The following PRKAR1A variants were observed in gnomAD, a reference collection of about 807,000 sequenced individuals.
The protein encoded by PRKAR1A is cAMP-dependent protein kinase type I-alpha regulatory subunit.
PRKAR1A carries 3 observed loss-of-function variants against 52.0 expected under a neutral mutation model. The observed-to-expected ratio is 0.06, with a 90% confidence interval of 0.03 to 0.15. The LOEUF is 0.15. PRKAR1A is among the 10% of genes least tolerant of loss of function. The probability of loss-of-function intolerance (pLI) is 1.00; values close to 1 mark genes in which losing one functional copy is unlikely to be tolerated. For synonymous variants in PRKAR1A, 188 were observed against 168.4 expected, an observed-to-expected ratio of 1.12 and a Z score of -0.90; for missense variants, 240 against 477.4, an observed-to-expected ratio of 0.50 and a Z score of 4.63.
downstream of PRKAR1A, chr17:68,537,880 A>G: frequency 1.0e-6 from 1 of 991,304 alleles, no homozygotes; most frequent in Non-Finnish European, 1.5e-6. This position sits in a 1 kb window ranked among gnomAD's most constrained non-coding sequence, Gnocchi z 4.2. Flanking sequence ...ATTTTAATGG[A>G]AACCAGGTAA....
downstream of PRKAR1A, chr17:68,537,420 C>T (rs772017261): frequency 9.9e-6 from 16 of 1,610,484 alleles, no homozygotes; most frequent in Admixed American, 2.7e-4. This position sits in a 1 kb window ranked among gnomAD's most constrained non-coding sequence, Gnocchi z 4.2. Context: ...AGGGTCGGCA[C>T]TCGAGTCGAC....
chr17:68,506,475 C>A, the PRKAR1A span, among the ~76,000 whole-genome samples: 3 of 150,166 alleles, frequency 2.0e-5, no homozygotes, highest in Non-Finnish European at 3.0e-5. Context: ...CCCCTTCAGA[C>A]TGTGAAATTT....
At chr17:68,457,553 TACCCCGCCCCGTCCCC>T in the PRKAR1A span, 1,590 of 135,326 alleles carry the variant, frequency 0.012, 44 homozygotes, top group Admixed American at 0.036. Flanking sequence ...ACCCCGCCCC[TACCCCGCCCCGTCCCC>T]ACCCCGCCCC....
At chr17:68,544,735 G>A (rs1050413246) in intron 11 of PRKAR1A, among the ~76,000 whole-genome samples, 1 of 152,158 alleles carries the variant, frequency 6.6e-6, no homozygotes, top group Admixed American at 6.5e-5. Flanking sequence ...GCTCAGGCCT[G>A]GCCAGCTTAT....
the PRKAR1A span, chr17:68,429,959 GTGTGGTCT>G: frequency 1.2e-6 from 2 of 1,611,834 alleles, no homozygotes; most frequent in Non-Finnish European, 8.5e-7. Flanking sequence ...ATTGACGAAA[GTGTGGTCT>G]TGTTCAGAGT....
chr17:68,420,803 C>A, the PRKAR1A span: 4 of 286,538 alleles, frequency 1.4e-5, no homozygotes, highest in Middle Eastern at 3.1e-3. Context: ...CATGAAAATG[C>A]CTGGCAAATT....
the PRKAR1A span, among the ~76,000 whole-genome samples, chr17:68,457,832 CA>C: frequency 9.8e-5 from 15 of 152,300 alleles, no homozygotes; most frequent in South Asian, 4.1e-4. Flanking sequence ...GCGCGTGACG[CA>C]AAGGCAGCAG....
chr17:68,433,503 C>T, the PRKAR1A span: 11 of 1,613,726 alleles, frequency 6.8e-6, no homozygotes, highest in African/African-American at 1.3e-5. Flanking sequence ...AGATGTGTAC[C>T]GTCTCGGTGT....
At chr17:68,507,213 A>G (rs2085209201), upstream of PRKAR1A, among the ~76,000 whole-genome samples, 1 of 152,250 alleles carries the variant, frequency 6.6e-6, no homozygotes. Context: ...TGACACAAAG[A>G]TCTGTGTGAC....
the PRKAR1A span, chr17:68,428,753 T>C: frequency 8.7e-7 from 1 of 1,156,038 alleles, no homozygotes; most frequent in South Asian, 1.3e-5. Context: ...GCACTGAAGC[T>C]TGTCGTTCTT....
the PRKAR1A span, among the ~76,000 whole-genome samples, chr17:68,452,264 GC>G: frequency 3.3e-5 from 5 of 152,158 alleles, no homozygotes; most frequent in Admixed American, 6.5e-5. Flanking sequence ...CAATATAATG[GC>G]AAAAATAAGT....
chr17:68,435,068 G>C, the PRKAR1A span, among the ~76,000 whole-genome samples: 1 of 152,110 alleles, frequency 6.6e-6, no homozygotes, highest in South Asian at 2.1e-4. Context: ...TTAGCCAGGC[G>C]TGGCAGCATG....
the PRKAR1A span, among the ~76,000 whole-genome samples, chr17:68,476,008 T>C: frequency 6.6e-6 from 1 of 152,156 alleles, no homozygotes; most frequent in Non-Finnish European, 1.5e-5. Flanking sequence ...TGATGCCTTC[T>C]GTGTAGTTTA....
chr17:68,433,947 T>C, the PRKAR1A span, among the ~76,000 whole-genome samples: 1 of 151,908 alleles, frequency 6.6e-6, no homozygotes, highest in African/African-American at 2.4e-5. Context: ...CACACCCAGC[T>C]AATTTTTGTA....
upstream of PRKAR1A, among the ~76,000 whole-genome samples, chr17:68,510,192 A>AGAGAGAGAGAGAGAGAGAGT (rs2085246142): frequency 6.6e-6 from 1 of 151,512 alleles, no homozygotes; most frequent in Non-Finnish European, 1.5e-5. Context: ...AGAGAGAGAG[A>AGAGAGAGAGAGAGAGAGAGT]GAGATCTATC....
At chr17:68,489,845 C>T in the PRKAR1A span, among the ~76,000 whole-genome samples, 2 of 152,076 alleles carry the variant, frequency 1.3e-5, no homozygotes, top group Non-Finnish European at 2.9e-5. Context: ...CGTGAGGCAC[C>T]ACGCCTGGCT....
chr17:68,541,399 G>A, intron 11 of PRKAR1A: 1 of 219,614 alleles, frequency 4.6e-6, no homozygotes, highest in Non-Finnish European at 9.3e-6. Context: ...TCATCCGAGG[G>A]CTCTTCTCAG....
the PRKAR1A span, among the ~76,000 whole-genome samples, chr17:68,491,376 G>A: frequency 6.6e-6 from 1 of 152,178 alleles, no homozygotes; most frequent in Non-Finnish European, 1.5e-5. Context: ...ACAGGCGTGA[G>A]CCACCGCGCC....
At chr17:68,540,043 G>A in intron 11 of PRKAR1A, 4 of 1,273,108 alleles carry the variant, frequency 3.1e-6, no homozygotes, top group Non-Finnish European at 4.6e-6. Flanking sequence ...TCTCTCCAGG[G>A]AACGGAGGCC....
Sources: gnomAD v4.1 joint callset for allele counts (sites outside exome capture counted in the v4.1 genomes callset) on GRCh38, gnomAD v4.1.1 for gene constraint, Gnocchi (gnomAD v3.1) non-coding constraint, MANE v1.5 for transcripts, NCBI Gene and HGNC (gene_info 2026-07-23, HGNC 2026-07-21) for gene names.